FRMD3: variants seen among roughly 807,000 people sequenced by gnomAD.
The protein encoded by FRMD3 is FERM domain containing 3.
FRMD3 carries 33 observed loss-of-function variants against 70.2 expected under a neutral mutation model. That is an observed-to-expected ratio of 0.47 (90% CI 0.36 to 0.63). The LOEUF is 0.63. FRMD3 is among the 20% of genes least tolerant of loss of function. FRMD3 has a pLI of 0.00. For synonymous variants in FRMD3, 279 were observed against 255.9 expected (o/e 1.09, Z -0.86); for missense variants, 632 against 711.4 (o/e 0.89, Z 1.27).
chr9:83,322,364 A>C (rs925890282), intron 6 of FRMD3, among the ~76,000 whole-genome samples: 1 of 152,090 alleles, frequency 6.6e-6, no homozygotes, highest in Non-Finnish European at 1.5e-5. Flanking sequence ...GATCTCTCCC[A>C]GGCAAGCAGT....
chr9:83,424,869 G>A (rs1172997876), intron 1 of FRMD3, among the ~76,000 whole-genome samples: 1 of 152,190 alleles, frequency 6.6e-6, no homozygotes, highest in Non-Finnish European at 1.5e-5. Context: ...ACTCTCAGAC[G>A]AAGTAAGAAA....
At chr9:83,558,132 C>T in the FRMD3 span, among the ~76,000 whole-genome samples, 1 of 152,208 alleles carries the variant, frequency 6.6e-6, no homozygotes, top group African/African-American at 2.4e-5. Context: ...GCAAACAAAT[C>T]TCACCTTGCA....
chr9:83,572,933 A>G, the FRMD3 span, among the ~76,000 whole-genome samples: 1 of 152,240 alleles, frequency 6.6e-6, no homozygotes, highest in East Asian at 1.9e-4. Context: ...TTGCAATTTT[A>G]AAGGCTGTGA....
intron 13 of FRMD3, among the ~76,000 whole-genome samples, chr9:83,262,444 A>C (rs1587640106): frequency 6.6e-6 from 1 of 152,178 alleles, no homozygotes; most frequent in African/African-American, 2.4e-5. Flanking sequence ...ATCACTTCTT[A>C]ACTGGATGAT....
At chr9:83,317,611 C>T (rs896937608) in intron 6 of FRMD3, among the ~76,000 whole-genome samples, 1 of 152,202 alleles carries the variant, frequency 6.6e-6, no homozygotes, top group Non-Finnish European at 1.5e-5. Context: ...AATATAGGAA[C>T]AAGATAATTG....
intron 5 of FRMD3, among the ~76,000 whole-genome samples, chr9:83,337,816 T>C (rs1043919368): frequency 6.6e-6 from 1 of 152,202 alleles, no homozygotes; most frequent in African/African-American, 2.4e-5. Flanking sequence ...ATTACAGAGT[T>C]CTTAAAACAA....
intron 3 of FRMD3, among the ~76,000 whole-genome samples, chr9:83,362,242 T>G (rs960838635): frequency 2.0e-5 from 3 of 151,690 alleles, no homozygotes; most frequent in African/African-American, 7.3e-5. Context: ...TGACAAAAAA[T>G]CATTCATTAG....
chr9:83,273,214 A>T (rs1209006703), intron 13 of FRMD3, among the ~76,000 whole-genome samples: 14 of 152,256 alleles, frequency 9.2e-5, no homozygotes, highest in African/African-American at 3.4e-4. Flanking sequence ...GGGAAAAGAT[A>T]GAGAAATCAG....
intron 13 of FRMD3, among the ~76,000 whole-genome samples, chr9:83,256,794 C>T (rs992442987): frequency 1.3e-5 from 2 of 151,806 alleles, no homozygotes. Flanking sequence ...TAGAGAAATG[C>T]AAATCAAAAC....
intron 2 of FRMD3, among the ~76,000 whole-genome samples, chr9:83,382,264 C>CT (rs1564050108): frequency 6.6e-6 from 1 of 152,020 alleles, no homozygotes; most frequent in South Asian, 2.1e-4. Context: ...ATTCATGGGC[C>CT]TTTTTTAAAA....
intron 1 of FRMD3, among the ~76,000 whole-genome samples, chr9:83,480,496 ATTTT>A (rs11376067): frequency 2.8e-5 from 4 of 143,018 alleles, no homozygotes; most frequent in Non-Finnish European, 4.5e-5. Flanking sequence ...TAAACTAGAG[ATTTT>A]TTTTTTTTTT....
At chr9:83,319,796 C>T (rs1180495467) in intron 6 of FRMD3, among the ~76,000 whole-genome samples, 1 of 152,180 alleles carries the variant, frequency 6.6e-6, no homozygotes, top group African/African-American at 2.4e-5. Flanking sequence ...TGCACAAGCT[C>T]TCTCTTTGCC....
the FRMD3 span, among the ~76,000 whole-genome samples, chr9:83,550,687 A>AGTGTGTGTGTGTGTGTGTGT: frequency 1.2e-4 from 16 of 138,866 alleles, no homozygotes; most frequent in African/African-American, 4.1e-4. Flanking sequence ...AGTCCTAGGT[A>AGTGTGTGTGTGTGTGTGTGT]GTGTGTGTGT....
At chr9:83,547,132 G>C in the FRMD3 span, among the ~76,000 whole-genome samples, 1 of 150,330 alleles carries the variant, frequency 6.7e-6, no homozygotes, top group Admixed American at 6.6e-5. Flanking sequence ...ATAGAATCAA[G>C]ACGTTAGGAC....
At chr9:83,359,221 C>T (rs553024317) in intron 3 of FRMD3, among the ~76,000 whole-genome samples, 4 of 152,288 alleles carry the variant, frequency 2.6e-5, no homozygotes, top group South Asian at 4.2e-4. Flanking sequence ...CACCCACACT[C>T]GTAGGCACTG....
At chr9:83,337,589 A>G (rs1806980033) in intron 5 of FRMD3, among the ~76,000 whole-genome samples, 1 of 152,222 alleles carries the variant, frequency 6.6e-6, no homozygotes, top group South Asian at 2.1e-4. Context: ...CCAGGAGAGT[A>G]GACTAAAGAT....
intron 2 of FRMD3, among the ~76,000 whole-genome samples, chr9:83,379,308 G>T (rs1825285135): frequency 6.6e-6 from 1 of 151,920 alleles, no homozygotes; most frequent in Non-Finnish European, 1.5e-5. Flanking sequence ...TGGCATGCTT[G>T]GTAATTAGAT....
intron 1 of FRMD3, among the ~76,000 whole-genome samples, chr9:83,411,621 T>A (rs1385667252): frequency 1.3e-5 from 2 of 152,224 alleles, no homozygotes; most frequent in Non-Finnish European, 2.9e-5. Context: ...TCCCCCTTGC[T>A]TGTCAGTGGT....
Position 83,298,660 on chromosome 9 carries a change from G to T in FRMD3, c.1070+88C>A, listed in dbSNP as rs923525596. 1.2e-5 allele frequency: 12 copies of T among 973,438 alleles called. No individual in the cohort carries two copies. In the African/African-American group the frequency reaches 1.9e-4, roughly 16 times the overall value. The allele number at this position is 973,438 out of a possible 1,614,324, so 60.3% of individuals were successfully genotyped here. On this transcript the variant is annotated intron_variant, in intron 12 of 13. Transcript: ENST00000304195. ...AGTGAGAATGTCCTTCTTTAATGCT[G>T]TATGTCACTACACAAAGGGATGTTA... is the stretch of plus-strand genomic sequence containing the variant.
Sources: gnomAD v4.1 joint callset for allele counts (sites outside exome capture counted in the v4.1 genomes callset) on GRCh38, gnomAD v4.1.1 for gene constraint, MANE v1.5 for transcripts, NCBI Gene and HGNC (gene_info 2026-07-23, HGNC 2026-07-21) for gene names.